Variants in CACNA1D observed in about 807,000 individuals in gnomAD.
CACNA1D encodes the protein voltage-dependent L-type calcium channel subunit alpha-1D.
In CACNA1D, 55 loss-of-function variants were observed where a neutral mutation model predicts 257.1. That is an observed-to-expected ratio of 0.21 (90% CI 0.17 to 0.27). The LOEUF (loss-of-function observed/expected upper bound fraction) is 0.27, where lower values mean the gene tolerates loss of function less well. Among genes scored for constraint, CACNA1D ranks in the 10% least tolerant of loss-of-function variants. CACNA1D has a pLI of 1.00. For missense variants in CACNA1D, 1,876 were observed against 2,784.0 expected (o/e 0.67, Z 7.34); for synonymous variants, 980 against 1,014.9 (o/e 0.97, Z 0.65).
intron 37 of CACNA1D, among the ~76,000 whole-genome samples, 193 bp from the exon 38 acceptor site, chr3:53,779,833 A>G (rs2095416697): frequency 6.6e-6 from 1 of 152,086 alleles, no homozygotes. Flanking sequence ...TGTTTAACCA[A>G]ATTGGCATCT....
chr3:53,616,435 T>C (rs2093637473), intron 3 of CACNA1D, among the ~76,000 whole-genome samples: 1 of 152,194 alleles, frequency 6.6e-6, no homozygotes, highest in South Asian at 2.1e-4. Flanking sequence ...CCCCTCTTTC[T>C]CTGCTCTCCC....
intron 3 of CACNA1D, among the ~76,000 whole-genome samples, chr3:53,585,576 A>G (rs547129178): frequency 3.3e-5 from 5 of 152,214 alleles, no homozygotes; most frequent in East Asian, 1.9e-4. Flanking sequence ...CTGGTGTCAC[A>G]TGAATTGAAC....
chr3:53,679,405 A>AAAAGAGTAGT (rs2094408185), intron 8 of CACNA1D: 1 of 151,360 alleles, frequency 6.6e-6, no homozygotes, highest in South Asian at 2.1e-4. Context: ...TCTGCTTTGT[A>AAAAGAGTAGT]AAAGAGTAGT....
chr3:53,789,229 A>C lies in CACNA1D; in HGVS notation c.4923+2277A>C, dbSNP rs1172948719. ...TACCAACATATTTTCGCATGGCTCC[A>C]TTGGGAGCTGAAGCATCGTCTGTAA... On this transcript the variant is annotated intron_variant, in intron 40 of 47. Transcript: ENST00000350061. This position sits in a 1 kb window ranked among gnomAD's most constrained non-coding sequence, Gnocchi z 4.2. Among the ~76,000 whole-genome samples, 1 of 152,246 alleles carries C rather than the reference A, an allele frequency of 6.6e-6. No homozygotes were observed. The highest frequency in any genetic ancestry group is 2.4e-5 in the African/African-American group (1 of 41,480).
In CACNA1D at chr3:53,718,707, G is replaced by A. The variant is rs773409037; in HGVS notation, c.1478+319G>A. 145 of 1,559,352 alleles carry A rather than the reference G, an allele frequency of 9.3e-5. No individual in the cohort carries two copies. In the Admixed American group the frequency reaches 2.7e-3, roughly 29 times the overall value. On this transcript the variant is annotated intron_variant, in intron 10 of 47. Coordinates refer to ENST00000350061, the MANE Select transcript of CACNA1D (RefSeq NM_001128840.3). The stretch of plus-strand genomic sequence containing the variant: ...GTGCTGGTGGAGACGGAGAGGCGCG[G>A]CCAAGGCGGGGCCCTCTGGGTGTCG...
chr3:53,708,503 G>C (rs374866737), intron 9 of CACNA1D, among the ~76,000 whole-genome samples: 1 of 152,196 alleles, frequency 6.6e-6, no homozygotes, highest in South Asian at 2.1e-4. Context: ...TGGACAGGCA[G>C]ACTCTCTCCA....
chr3:53,699,897 G>A (rs2094605682), intron 8 of CACNA1D, among the ~76,000 whole-genome samples: 1 of 151,938 alleles, frequency 6.6e-6, no homozygotes, highest in Non-Finnish European at 1.5e-5. Flanking sequence ...CCCAGCAGTG[G>A]AAAATGTACA....
At position 53,673,061 on chromosome 3, in the gene CACNA1D, T is replaced by C; in HGVS notation, c.1155T>C (p.Tyr385=). 1.0e-5 allele frequency: 16 copies of C among 1,552,358 alleles called. No individual in the cohort carries two copies. The highest frequency in any genetic ancestry group is 1.4e-5 in the Non-Finnish European group (16 of 1,147,230). The change falls in exon 8 of 48, where the codon TAT becomes TAC. Residue 385 remains tyrosine, a synonymous_variant. Coordinates refer to ENST00000350061, the MANE Select transcript of CACNA1D (RefSeq NM_001128840.3). This position sits in a 1 kb window ranked among gnomAD's most constrained non-coding sequence, Gnocchi z 4.1. The part of the protein sequence containing the change: ...DAMGFELPWV[Y]FVSLVIFGSF... Reference sequence around the variant, plus strand: ...TGGGATTTGAATTGCCCTGGGTGTATTTTGTCAGTCTCGTCATCTTTGGGT... The same window carrying C: ...TGGGATTTGAATTGCCCTGGGTGTACTTTGTCAGTCTCGTCATCTTTGGGT...
chr3:53,672,767 TG>T (rs2094336058), intron 7 of CACNA1D, among the ~76,000 whole-genome samples: 1 of 43,168 alleles, frequency 2.3e-5, no homozygotes, highest in African/African-American at 1.3e-4. Flanking sequence ...TCTGTGTGTG[TG>T]TGTGTGTGTG....
chr3:53,732,502 C>G (rs574154632), intron 18 of CACNA1D, among the ~76,000 whole-genome samples: 4 of 152,192 alleles, frequency 2.6e-5, no homozygotes. Flanking sequence ...ACTGGGGAAA[C>G]AGCCAGGTGT....
intron 3 of CACNA1D, among the ~76,000 whole-genome samples, chr3:53,633,329 T>TA (rs1425671636): frequency 6.6e-6 from 1 of 152,090 alleles, no homozygotes; most frequent in Non-Finnish European, 1.5e-5. Flanking sequence ...CCACATTTCT[T>TA]AAAAAAATAT....
At chr3:53,740,220 A>G (rs565193476) in intron 20 of CACNA1D, 60 bp from the exon 21 acceptor site, 107 of 1,175,124 alleles carry the variant, frequency 9.1e-5, no homozygotes, top group Middle Eastern at 1.9e-4. Context: ...GCCTGTAAGC[A>G]TGCAGATGTC....
At chr3:53,778,394 G>A (rs2095408942) in intron 37 of CACNA1D, among the ~76,000 whole-genome samples, 1 of 152,208 alleles carries the variant, frequency 6.6e-6, no homozygotes, top group South Asian at 2.1e-4. Context: ...AATGTCCAGG[G>A]TTCCCTGGCT....
At chr3:53,587,450 CT>C (rs1323604713) in intron 3 of CACNA1D, among the ~76,000 whole-genome samples, 1 of 152,030 alleles carries the variant, frequency 6.6e-6, no homozygotes, top group African/African-American at 2.4e-5. Flanking sequence ...CTGCGGGGGC[CT>C]GTTTTGGGCA....
chr3:53,757,711 T>C (rs2095274273), intron 29 of CACNA1D, among the ~76,000 whole-genome samples: 1 of 152,234 alleles, frequency 6.6e-6, no homozygotes, highest in African/African-American at 2.4e-5. Flanking sequence ...CTGCTATTTC[T>C]TCGTCCCCAC....
chr3:53,745,244 T>C (rs532820211), intron 23 of CACNA1D, among the ~76,000 whole-genome samples: 2 of 151,758 alleles, frequency 1.3e-5, no homozygotes, highest in East Asian at 3.9e-4. Context: ...ATTTCTTCTT[T>C]TTTTTTTTTT....
chr3:53,494,942 A>G lies in CACNA1D; in HGVS notation c.-225A>G, dbSNP rs902568896. On this transcript the variant is annotated 5_prime_UTR_variant, in exon 1 of 48. Coordinates refer to ENST00000350061, the MANE Select transcript of CACNA1D (RefSeq NM_001128840.3). ...TTTTTTAAAAAGTTTATTTTGCTCC[A>G]TTTTTGAAAAAGAGAGAGCTTGGGT... 1.2e-5 allele frequency: 7 copies of G among 570,112 alleles called. No individual in the cohort carries two copies. The highest frequency in any genetic ancestry group is 2.2e-5 in the Non-Finnish European group (7 of 320,058). The allele number at this position is 570,112 out of a possible 1,614,324, so 35.3% of individuals were successfully genotyped here.
intron 9 of CACNA1D, among the ~76,000 whole-genome samples, chr3:53,703,035 C>T (rs1559540184): frequency 6.6e-6 from 1 of 152,206 alleles, no homozygotes; most frequent in Non-Finnish European, 1.5e-5. Flanking sequence ...GGTAAGGTGG[C>T]TTTATAGCCA....
intron 3 of CACNA1D, among the ~76,000 whole-genome samples, chr3:53,573,806 T>C (rs1321425224): frequency 6.6e-6 from 1 of 152,164 alleles, no homozygotes; most frequent in Admixed American, 6.5e-5. Flanking sequence ...CACTGGCACA[T>C]AGTGGGCTCT....
Sources: gnomAD v4.1 joint callset for allele counts (sites outside exome capture counted in the v4.1 genomes callset) on GRCh38, gnomAD v4.1.1 for gene constraint, Gnocchi (gnomAD v3.1) non-coding constraint, MANE v1.5 for transcripts, NCBI Gene and HGNC (gene_info 2026-07-23, HGNC 2026-07-21) for gene names.